Variants in ABCC3 observed in about 807,000 individuals in gnomAD.
The protein encoded by ABCC3 is ATP binding cassette subfamily C member 3.
ABCC3 carries 121 observed loss-of-function variants against 165.3 expected under a neutral mutation model. That is an observed-to-expected ratio of 0.73 (90% confidence interval 0.63 to 0.85). The LOEUF is 0.85. Ranked by LOEUF, ABCC3 falls within the 40% of genes least tolerant of loss-of-function variation. The pLI, the probability that ABCC3 is intolerant of heterozygous loss-of-function variation, is 0.00. For missense variants in ABCC3, 1,869 were observed against 1,964.1 expected (o/e 0.95, Z 0.92); for synonymous variants, 733 against 810.1 (o/e 0.90, Z 1.62).
chr17:50,645,371 C>CAAAAA (rs141598761), intron 1 of ABCC3, among the ~76,000 whole-genome samples: 1 of 46,866 alleles, frequency 2.1e-5, no homozygotes, highest in African/African-American at 9.0e-5. Flanking sequence ...AAGATTCCAT[C>CAAAAA]AAAAAAAAAA....
chr17:50,687,775 C>T, intron 30 of ABCC3, 45 bp downstream of exon 30: 3 of 1,586,360 alleles, frequency 1.9e-6, no homozygotes, highest in Non-Finnish European at 2.6e-6. Context: ...GTGGGGCCAC[C>T]TGGGGCATCA....
intron 18 of ABCC3, 106 bp downstream of exon 18, chr17:50,673,244 G>A (rs569021407): frequency 2.0e-4 from 285 of 1,420,020 alleles, no homozygotes; most frequent in Non-Finnish European, 2.3e-4. Flanking sequence ...TGTGGGGGGC[G>A]CAAGAAGTGG....
chr17:50,663,801 C>T lies in ABCC3; in HGVS notation c.1119C>T (p.Tyr373=). 1.9e-6 allele frequency: 3 copies of T among 1,614,210 alleles called. No individual in the cohort carries two copies. Among genetic ancestry groups the T allele is most frequent in the Non-Finnish European group, 2.5e-6 (3 of 1,180,046 alleles). The change falls in exon 9 of 31, where the codon TAC becomes TAT. Residue 373 remains tyrosine (Y), a synonymous_variant. Transcript: ENST00000285238. ...TGATCTTACAACACTATTACCACTACATCTTTGTGACTGGGGTGAAGTTTC... is the reference window on the plus strand; with the variant it reads ...TGATCTTACAACACTATTACCACTATATCTTTGTGACTGGGGTGAAGTTTC... ...QSLILQHYYH[Y]IFVTGVKFRT...
rs1968118593 is a variant in ABCC3, at chr17:50,691,255, T to C, written c.*55T>C. The C allele has an allele frequency of 2.2e-6, 3 of 1,383,092 alleles. No homozygotes were observed. The highest frequency in any genetic ancestry group is 1.2e-5 in the South Asian group (1 of 85,190). The allele number at this position is 1,383,092 out of a possible 1,614,324, so 85.7% of individuals were successfully genotyped here. On this transcript the variant is annotated 3_prime_UTR_variant, in exon 31 of 31. Coordinates refer to ENST00000285238, the MANE Select transcript of ABCC3 (RefSeq NM_003786.4). ...TTCCTGGTTTTCATCAGGAAGGAAA[T>C]GACACCAAATATGTCCGCAGAATGG...
intron 29 of ABCC3, among the ~76,000 whole-genome samples, chr17:50,686,287 G>A (rs1240675035): frequency 6.6e-6 from 1 of 152,158 alleles, no homozygotes; most frequent in East Asian, 1.9e-4. Flanking sequence ...GGTCCTGTGG[G>A]CCAGAAACGA....
At chr17:50,668,793 C>T in intron 14 of ABCC3, 60 bp from the exon 15 acceptor site, 1 of 1,453,078 alleles carries the variant, frequency 6.9e-7, no homozygotes, top group Non-Finnish European at 9.6e-7. Flanking sequence ...CCCAGCCTCC[C>T]TGCAGGCTAC....
In ABCC3 at chr17:50,635,018, CAG is replaced by C. The variant is rs776971465; in HGVS notation, c.45+38_45+39del. 30 of 1,256,614 alleles carry C rather than the reference CAG, an allele frequency of 2.4e-5. No individual in the cohort carries two copies. In the South Asian group the frequency reaches 9.5e-4, roughly 40 times the overall value. The allele number at this position is 1,256,614 out of a possible 1,614,324, so 77.8% of individuals were successfully genotyped here. A position where few individuals can be genotyped will look rare whatever the true frequency, so the allele number is the denominator to read the frequency against. Reference sequence around the variant, plus strand: ...GGCTCCGGGGTCACTGCGCGGGGGCCAGGGTCGGCCGGCTTCGCCCGGTCCCC... The same window carrying C: ...GGCTCCGGGGTCACTGCGCGGGGGCCGGTCGGCCGGCTTCGCCCGGTCCCC... On this transcript the variant is annotated intron_variant, in intron 1 of 30. Transcript: ENST00000285238.
rs78799181 is a variant in ABCC3, at chr17:50,686,305, C to T, written c.4281-1231C>T. Among the ~76,000 whole-genome samples the T allele has an allele frequency of 2.8e-4, 43 of 152,330 alleles. No individual in the cohort carries two copies. In the East Asian group the frequency reaches 6.4e-3, roughly 23 times the overall value. ...CCTGTGGGCCAGAAACGAGCCTCCA[C>T]GGTTTGAAATGATTTCCTCGCAGCA... is the stretch of plus-strand genomic sequence containing the variant. On this transcript the variant is annotated intron_variant, in intron 29 of 30. Transcript: ENST00000285238.
intron 1 of ABCC3, among the ~76,000 whole-genome samples, chr17:50,638,831 G>A (rs1389496976): frequency 6.6e-6 from 1 of 152,186 alleles, no homozygotes; most frequent in African/African-American, 2.4e-5. Flanking sequence ...TGTGACTTTG[G>A]GCAAATGACT....
At chr17:50,684,339 A>G (rs914812462) in intron 28 of ABCC3, among the ~76,000 whole-genome samples, 1 of 152,114 alleles carries the variant, frequency 6.6e-6, no homozygotes. Context: ...GGGCCAGCAC[A>G]TGGGGAAGGA....
intron 1 of ABCC3, 182 bp downstream of exon 1, chr17:50,635,163 G>A (rs1018955451): frequency 3.0e-5 from 19 of 623,384 alleles, no homozygotes; most frequent in Non-Finnish European, 4.7e-5. Context: ...GCCCGGAGCC[G>A]GGTCCCACGC....
chr17:50,673,901 TTTCTTTCTTTC>T (rs1567835376), intron 19 of ABCC3, among the ~76,000 whole-genome samples: 9 of 9,050 alleles, frequency 9.9e-4, no homozygotes, highest in Non-Finnish European at 1.4e-3. Flanking sequence ...CAGAGCCTGT[TTTCTTTCTTTC>T]TTTCTTTCTT....
Position 50,657,808 on chromosome 17 carries a change from T to C in ABCC3, c.487-274T>C, listed in dbSNP as rs1347058302. 2.0e-5 allele frequency among the ~76,000 whole-genome samples: 3 copies of C among 152,228 alleles called. 1 individual carries two copies. The highest frequency in any genetic ancestry group is 4.4e-5 in the Non-Finnish European group (3 of 68,038). ...ATTGCAGAAAGGGCGTCATGAGCTG[T>C]CCTGCCTGTAGGCTGATGTCCCAGT... On this transcript the variant is annotated intron_variant, in intron 4 of 30. Coordinates refer to ENST00000285238, the MANE Select transcript of ABCC3 (RefSeq NM_003786.4).
At chr17:50,674,062 TTC>T (rs1967748832) in intron 19 of ABCC3, among the ~76,000 whole-genome samples, 1 of 66,980 alleles carries the variant, frequency 1.5e-5, no homozygotes, top group African/African-American at 5.1e-5. Flanking sequence ...CTTTCTTTCT[TTC>T]TTTCTTTCTT....
At chr17:50,682,719 C>T (rs1353690734) in intron 26 of ABCC3, among the ~76,000 whole-genome samples, 3 of 152,154 alleles carry the variant, frequency 2.0e-5, no homozygotes, top group South Asian at 4.1e-4. Flanking sequence ...TCACTTCTTG[C>T]GTTGTATAGA....
rs1967364166 is a variant in ABCC3, at chr17:50,660,935, A to C, written c.819A>C (p.Ser273=). The change falls in exon 8 of 31, where the codon TCA becomes TCC. Residue 273 remains serine (S), a synonymous_variant. Transcript: ENST00000285238. ...QEKQTARHKA[S]AAPGKNASGE... ...CTCCCTGGACCAGACACAAGGCTTCAGCAGCACCTGGGAAAAATGCCTCCG... is the reference window on the plus strand; with the variant it reads ...CTCCCTGGACCAGACACAAGGCTTCCGCAGCACCTGGGAAAAATGCCTCCG... 1 of 1,602,958 alleles carries C rather than the reference A, an allele frequency of 6.2e-7. No homozygotes were observed. The highest frequency in any genetic ancestry group is 8.5e-7 in the Non-Finnish European group (1 of 1,175,050).
Position 50,658,078 on chromosome 17 carries a change from C to T in ABCC3, c.487-4C>T. The T allele has an allele frequency of 1.2e-6, 2 of 1,614,114 alleles. No homozygotes were observed. The highest frequency in any genetic ancestry group is 1.7e-6 in the Non-Finnish European group (2 of 1,179,962). ...TTCTGACGCCCCTCCACTCTCCCAC[C>T]CAGGGTGAGATCTCAGACCCCTTCC... On this transcript the variant is annotated splice_region_variant and splice_polypyrimidine_tract_variant and intron_variant, in intron 4 of 30. Transcript: ENST00000285238.
chr17:50,652,985 C>G (rs1967140250), intron 1 of ABCC3, among the ~76,000 whole-genome samples: 1 of 152,194 alleles, frequency 6.6e-6, no homozygotes, highest in South Asian at 2.1e-4. Flanking sequence ...CTTACTTGGT[C>G]ACTAAATGCT....
Position 50,663,769 on chromosome 17 carries a change from C to T in ABCC3, c.1087C>T (p.Gln363Ter). The change falls in exon 9 of 31, where the codon CAG becomes TAG. Residue 363 changes from glutamine (Q) to a stop codon, truncating the protein, a stop_gained. Coordinates refer to ENST00000285238, the MANE Select transcript of ABCC3 (RefSeq NM_003786.4). LOFTEE classifies it high-confidence loss of function. ...GCTGATGTTCCTGTGCTCCATGATG[C>T]AGTCGCTGATCTTACAACACTATTA... ...AGLMFLCSMM[Q>*]SLILQHYYHY... is the part of the protein sequence containing the mutation. 1 of 1,614,210 alleles carries T rather than the reference C, an allele frequency of 6.2e-7. No homozygotes were observed. Among genetic ancestry groups the T allele is most frequent in the Non-Finnish European group, 8.5e-7 (1 of 1,180,042 alleles).
Sources: allele counts gnomAD v4.1 joint callset (sites outside exome capture counted in the v4.1 genomes callset), GRCh38; gene constraint gnomAD v4.1.1; transcripts MANE v1.5; gene names NCBI Gene and HGNC (gene_info 2026-07-23, HGNC 2026-07-21).